The following GRM6 variants were observed in gnomAD, a reference collection of about 807,000 sequenced individuals.
The protein encoded by GRM6 is metabotropic glutamate receptor 6.
Under a neutral mutation model 78.4 loss-of-function variants are expected in GRM6, and 73 were observed. The ratio of observed to expected loss-of-function variants is 0.93; its 90% CI spans 0.77 to 1.13. The LOEUF is 1.13. GRM6 is among the 50% of genes most tolerant of loss of function. GRM6 has a pLI of 0.00. For synonymous variants in GRM6, 580 were observed against 555.0 expected (o/e 1.05, Z -0.63); for missense variants, 1,251 against 1,256.4 (o/e 1.00, Z 0.07).
intron 7 of GRM6, chr5:178,987,531 A>G (rs10464074): frequency 0.24 from 106,765 of 439,962 alleles, 14,871 homozygotes; most frequent in South Asian, 0.35. Context: ...CCTGGAGGAC[A>G]TGATGCTCGG....
intron 9 of GRM6, 72 bp from the exon 10 acceptor site, chr5:178,983,293 C>A: frequency 1.5e-6 from 2 of 1,355,358 alleles, no homozygotes; most frequent in Non-Finnish European, 2.1e-6. Context: ...GACAGAGGCC[C>A]CTGCGGGTCA....
intron 5 of GRM6, 113 bp from the exon 6 acceptor site, chr5:178,989,518 G>T: frequency 7.5e-7 from 1 of 1,339,866 alleles, no homozygotes; most frequent in Non-Finnish European, 1.1e-6. Context: ...TGAGCTAGGA[G>T]TGGCCAGGTG....
In GRM6 at chr5:178,985,712, AAAC is replaced by A. The variant is rs780811008; in HGVS notation, c.2124+415_2124+417del. The stretch of plus-strand genomic sequence containing the variant: ...AGCGAGACTCTGTCTAAAAAAAAAA[AAAC>A]AAAACAACACAGGAACCAAAATAGA... On this transcript the variant is annotated intron_variant, in intron 9 of 10. Coordinates refer to ENST00000517717, the MANE Select transcript of GRM6 (RefSeq NM_000843.4). The A allele has an allele frequency of 2.6e-3, 1,077 of 413,366 alleles. 25 individuals are homozygous for A. Among genetic ancestry groups the A allele is most frequent in the African/African-American group, 0.014 (662 of 46,908 alleles). 25.6% of individuals were successfully genotyped at this position (413,366 alleles called of 1,614,324 possible).
At position 178,991,002 on chromosome 5, in the gene GRM6, C is replaced by T. The variant is rs115906619; in HGVS notation, c.858-256G>A. On this transcript the variant is annotated intron_variant, in intron 4 of 10. Coordinates refer to ENST00000517717, the MANE Select transcript of GRM6 (RefSeq NM_000843.4). This position sits in a 1 kb window ranked among gnomAD's most constrained non-coding sequence, Gnocchi z 5.0. Reference sequence around the variant, plus strand: ...GGACTCCTTGGGGGAAAATCCAGTTCGAAGCCAGCCCCTCCCCACATGCCT... The same window carrying T: ...GGACTCCTTGGGGGAAAATCCAGTTTGAAGCCAGCCCCTCCCCACATGCCT... Among the ~76,000 whole-genome samples, 2,099 of 152,188 alleles carry T rather than the reference C, an allele frequency of 0.014. 48 individuals are homozygous for T. The highest frequency in any genetic ancestry group is 0.047 in the African/African-American group (1,956 of 41,506).
rs62638624 is a variant in GRM6 at position 178,986,132 on chromosome 5, G to T, written c.2122C>A (p.Gln708Lys). The T allele has an allele frequency of 1.9e-6, 3 of 1,613,110 alleles. No homozygotes were observed. Among genetic ancestry groups the T allele is most frequent in the Non-Finnish European group, 2.5e-6 (3 of 1,179,502 alleles). The stretch of plus-strand genomic sequence containing the variant: ...CCCTTGGGAGCCTACGGACCCACCT[G>T]CAGGGAGGTGAGGCTGAAGGTGATG... Reference protein sequence around the residue: ...LVITFSLTSLQVVGMIAWLGA... With the variant: ...LVITFSLTSLKVVGMIAWLGA... Residue 708 changes from glutamine (Q) to lysine (K), a missense_variant and splice_region_variant, in exon 9 of 11, where the codon CAG (glutamine) becomes AAG (lysine). By Grantham distance (53) the Gln-to-Lys change is moderately conservative (BLOSUM62 1). Transcript: ENST00000517717.
intron 9 of GRM6, among the ~76,000 whole-genome samples, chr5:178,985,007 T>C (rs1458403023): frequency 6.6e-6 from 1 of 152,084 alleles, no homozygotes; most frequent in African/African-American, 2.4e-5. Context: ...AAGGCTGTAA[T>C]AACTTTACTG....
chr5:178,987,551 C>T (rs926513410), intron 7 of GRM6: 2 of 427,386 alleles, frequency 4.7e-6, no homozygotes, highest in African/African-American at 4.0e-5. Context: ...GTGAAACAAG[C>T]CAGTCACACA....
chr5:178,995,118 C>T (rs892289163), intron 1 of GRM6, 158 bp from the exon 2 acceptor site: 6 of 270,818 alleles, frequency 2.2e-5, no homozygotes, highest in Non-Finnish European at 3.7e-5. Flanking sequence ...CCTGCCCGGG[C>T]CTCCGTCTCG....
Position 178,986,617 on chromosome 5 carries a change from T to C in GRM6, c.1637A>G (p.Tyr546Cys). 6.2e-7 allele frequency: 1 copy of C among 1,603,550 alleles called. No homozygotes were observed. Among genetic ancestry groups the C allele is most frequent in the South Asian group, 1.1e-5 (1 of 91,088 alleles). ...TGTGAACTCGTCCACCTGGAAGCGG[T>C]ACCCGTCACAGGCCTCGCAGTGCCA... is the stretch of plus-strand genomic sequence containing the variant. ...CCWHCEACDG[Y>C]RFQVDEFTCE... Residue 546 changes from tyrosine (Y) to cysteine (C), a missense_variant, in exon 9 of 11, where the codon TAC becomes TGC. Coordinates refer to ENST00000517717, the MANE Select transcript of GRM6 (RefSeq NM_000843.4).
At chr5:178,984,726 A>G (rs1196255842) in intron 9 of GRM6, among the ~76,000 whole-genome samples, 3 of 152,072 alleles carry the variant, frequency 2.0e-5, no homozygotes, top group Non-Finnish European at 2.9e-5. Context: ...GTGGAGGAAG[A>G]CGGGAGCACC....
chr5:178,994,633 G>C lies in GRM6; in HGVS notation c.312C>G (p.Tyr104Ter). 1 of 1,457,448 alleles carries C rather than the reference G, an allele frequency of 6.9e-7. No homozygotes were observed. Among genetic ancestry groups the C allele is most frequent in the South Asian group, 1.3e-5 (1 of 76,998 alleles). The allele number at this position is 1,457,448 out of a possible 1,614,324, so 90.3% of individuals were successfully genotyped here. A position where few individuals can be genotyped will look rare whatever the true frequency, so the allele number is the denominator to read the frequency against. ...RLLDTCSRDTYALEQALSFVQ... is the reference protein window; with the variant it reads ...RLLDTCSRDT ...CGAAGCTCAGCGCCTGCTCCAGCGC[G>C]TAGGTGTCCCGCGAGCAGGTGTCCA... Residue 104 changes from tyrosine to a stop codon, truncating the protein, a stop_gained, in exon 2 of 11, where the codon TAC becomes TAG. Transcript: ENST00000517717. LOFTEE classifies it high-confidence loss of function.
intron 9 of GRM6, chr5:178,985,404 T>TTA (rs138935890): frequency 2.2e-5 from 7 of 317,056 alleles, no homozygotes; most frequent in Admixed American, 1.8e-4. Flanking sequence ...CCTGTGGCCT[T>TTA]AAAAAAAAAA....
Position 178,991,870 on chromosome 5 carries a change from C to T in GRM6, c.718G>A (p.Ala240Thr). 1 of 1,613,340 alleles carries T rather than the reference C, an allele frequency of 6.2e-7. No individual in the cohort carries two copies. Among genetic ancestry groups the T allele is most frequent in the African/African-American group, 1.3e-5 (1 of 75,026 alleles). Residue 240 changes from alanine to threonine, a missense_variant, in exon 3 of 11, where the codon GCT becomes ACT. Physicochemically the swap from Ala to Thr is moderately conservative, Grantham distance 58 (BLOSUM62 0). Coordinates refer to ENST00000517717, the MANE Select transcript of GRM6 (RefSeq NM_000843.4). The surrounding 1 kb of genome is among the most constrained non-coding windows in gnomAD (Gnocchi z 5.0). ...TGCCTCGGAGCCCCCAGCTCACCAG[C>T]CTCTCGGGAGATCTGAACGAAGGCC... is the stretch of plus-strand genomic sequence containing the variant. ...VEAFVQISRE[A>T]GGVCIAQSIK...
At chr5:178,987,608 C>T (rs1217046081) in intron 7 of GRM6, 4 of 372,002 alleles carry the variant, frequency 1.1e-5, no homozygotes, top group African/African-American at 2.1e-5. Context: ...CGAGGGTAGA[C>T]AATTCATAGA....
chr5:178,994,607 A>C lies in GRM6; in HGVS notation c.338T>G (p.Val113Gly). The C allele has an allele frequency of 7.0e-7, 1 of 1,427,096 alleles. No homozygotes were observed. The highest frequency in any genetic ancestry group is 3.1e-5 in the East Asian group (1 of 32,016). 88.4% of individuals were successfully genotyped at this position (1,427,096 alleles called of 1,614,324 possible). Residue 113 changes from valine to glycine, a missense_variant, in exon 2 of 11, where the codon GTG (valine) becomes GGG (glycine). Coordinates refer to ENST00000517717, the MANE Select transcript of GRM6 (RefSeq NM_000843.4). ...GCCGCGGCCGCGGATCAGCGCCTGC[A>C]CGAAGCTCAGCGCCTGCTCCAGCGC... ...TYALEQALSF[V>G]QALIRGRGDG...
rs1760747050 is a variant in GRM6 at position 178,994,907 on chromosome 5, A to G, written c.38T>C (p.Val13Ala). ...CAGCCACGCCAGCGGCAGCAGCGCC[A>G]CGAGCAGCGGCTCCCGGGCTCTCCG... ...RPRRAREPLLVALLPLAWLAQ... is the reference protein window; with the variant it reads ...RPRRAREPLLAALLPLAWLAQ... Residue 13 changes from valine to alanine, a missense_variant, in exon 2 of 11, where the codon GTG (valine) becomes GCG (alanine). Val to Ala is a moderately conservative substitution (Grantham distance 64). Coordinates refer to ENST00000517717, the MANE Select transcript of GRM6 (RefSeq NM_000843.4). 1.7e-6 allele frequency: 2 copies of G among 1,207,508 alleles called. No individual in the cohort carries two copies. Among genetic ancestry groups the G allele is most frequent in the South Asian group, 6.4e-5 (2 of 31,404 alleles). 74.8% of individuals were successfully genotyped at this position (1,207,508 alleles called of 1,614,324 possible).
intron 9 of GRM6, chr5:178,985,348 G>A (rs1005741514): frequency 3.9e-5 from 17 of 437,486 alleles, no homozygotes; most frequent in Non-Finnish European, 5.0e-5. Flanking sequence ...AGGGGAGATG[G>A]CGGCCCTAAC....
At position 178,986,346 on chromosome 5, in the gene GRM6, G is replaced by A. The variant is rs941894366; in HGVS notation, c.1908C>T (p.Ala636=). The A allele has an allele frequency of 6.2e-7, 1 of 1,614,152 alleles. No homozygotes were observed. The highest frequency in any genetic ancestry group is 1.3e-5 in the African/African-American group (1 of 75,082). ...VLLTGIFLIY[A]ITFLMVAEPG... ...GCTCAGCCACCATGAGGAAGGTGAT[G>A]GCGTAGATGAGGAAGATGCCGGTGA... is the stretch of plus-strand genomic sequence containing the variant. The change falls in exon 9 of 11, where the codon GCC becomes GCT. Residue 636 remains alanine (A), a synonymous_variant. Coordinates refer to ENST00000517717, the MANE Select transcript of GRM6 (RefSeq NM_000843.4).
rs763322836 is a variant in GRM6, at chr5:178,986,670, C to T, written c.1584G>A (p.Lys528=). Residue 528 remains lysine (K), a synonymous_variant, in exon 9 of 11, where the codon AAG becomes AAA. Transcript: ENST00000517717. The stretch of plus-strand genomic sequence containing the variant: ...AGCAGGGGACGCCCTTCACCATCTT[C>T]TTCCGCTCCCCCGGCCCGCAGGGCA... ...CSLPCGPGER[K]KMVKGVPCCW... is the part of the protein sequence containing the mutation. 6.2e-7 allele frequency: 1 copy of T among 1,603,148 alleles called. No homozygotes were observed. Among genetic ancestry groups the T allele is most frequent in the Admixed American group, 1.7e-5 (1 of 60,026 alleles).
Sources: allele counts gnomAD v4.1 joint callset (sites outside exome capture counted in the v4.1 genomes callset), GRCh38; gene constraint gnomAD v4.1.1; non-coding constraint Gnocchi (gnomAD v3.1); transcripts MANE v1.5; gene names NCBI Gene and HGNC (gene_info 2026-07-23, HGNC 2026-07-21).